Variants in FCHO2 observed in about 807,000 individuals in gnomAD.
The protein encoded by FCHO2 is F-BAR domain only protein 2.
In FCHO2, 43 loss-of-function variants were observed where a neutral mutation model predicts 114.1. The observed-to-expected ratio is 0.38, with a 90% CI of 0.30 to 0.49. FCHO2 has a LOEUF of 0.49. Ranked by LOEUF, FCHO2 falls within the 20% of genes least tolerant of loss-of-function variation. The pLI, the probability that FCHO2 is intolerant of heterozygous loss-of-function variation, is 0.97. For synonymous variants in FCHO2, 293 were observed against 315.2 expected (o/e 0.93, Z 0.75); for missense variants, 807 against 950.4 (o/e 0.85, Z 1.98).
At chr5:73,079,818 A>G (rs1487381030) in intron 22 of FCHO2, among the ~76,000 whole-genome samples, 1 of 152,168 alleles carries the variant, frequency 6.6e-6, no homozygotes, top group Non-Finnish European at 1.5e-5. Flanking sequence ...ATGTTTCTTG[A>G]GTATGCACAG....
chr5:73,037,647 C>T (rs1388766981), intron 10 of FCHO2: 1 of 278,028 alleles, frequency 3.6e-6, no homozygotes, highest in Non-Finnish European at 7.1e-6. Flanking sequence ...CCTATACATA[C>T]ATTGATGGAA....
intron 2 of FCHO2, among the ~76,000 whole-genome samples, chr5:72,979,038 G>A (rs2112635480): frequency 6.6e-6 from 1 of 152,220 alleles, no homozygotes; most frequent in East Asian, 1.9e-4. Flanking sequence ...TTTTCGCACT[G>A]ATGTTCATCA....
chr5:73,048,009 A>AT (rs1209571747), intron 11 of FCHO2, among the ~76,000 whole-genome samples: 2 of 151,838 alleles, frequency 1.3e-5, no homozygotes, highest in Non-Finnish European at 2.9e-5. Flanking sequence ...TGATGTTTTA[A>AT]TTTTTTGTAG....
At chr5:73,067,166 A>C (rs1742390304) in intron 18 of FCHO2, among the ~76,000 whole-genome samples, 1 of 152,048 alleles carries the variant, frequency 6.6e-6, no homozygotes, top group Non-Finnish European at 1.5e-5. Flanking sequence ...TAGATAGCAT[A>C]ATTCTAAAAT....
chr5:73,000,734 C>T (rs1273746366), intron 5 of FCHO2, among the ~76,000 whole-genome samples: 3 of 151,944 alleles, frequency 2.0e-5, no homozygotes, highest in African/African-American at 7.3e-5. Flanking sequence ...GAGATTGTGG[C>T]ATTGCACTCC....
chr5:73,036,002 C>G (rs1756485115), intron 9 of FCHO2, among the ~76,000 whole-genome samples: 1 of 151,542 alleles, frequency 6.6e-6, no homozygotes, highest in Admixed American at 6.6e-5. Context: ...GCCACTACGC[C>G]CGGCTAATTT....
chr5:73,012,976 G>A (rs923104888), intron 6 of FCHO2, among the ~76,000 whole-genome samples: 4 of 152,154 alleles, frequency 2.6e-5, no homozygotes, highest in South Asian at 4.2e-4. Context: ...CAGTTTCCTC[G>A]GAATTAAGGG....
rs1757127473 is a variant in FCHO2 at position 73,047,789 on chromosome 5, G to C, written c.940-3560G>C. Among the ~76,000 whole-genome samples, 5 of 151,828 alleles carry C rather than the reference G, an allele frequency of 3.3e-5. No homozygotes were observed. The South Asian group carries it at 1.0e-3, about 32-fold the overall frequency. Reference sequence around the variant, plus strand: ...ATGTAAATGGATATTGTAAATAGTTGTTTTACTGTGTTTTTTAAAGATTCA... The same window carrying C: ...ATGTAAATGGATATTGTAAATAGTTCTTTTACTGTGTTTTTTAAAGATTCA... On this transcript the variant is annotated intron_variant, in intron 11 of 25. Coordinates refer to ENST00000430046, the MANE Select transcript of FCHO2 (RefSeq NM_138782.3).
intron 9 of FCHO2, among the ~76,000 whole-genome samples, chr5:73,036,481 C>G (rs999851058): frequency 6.6e-6 from 1 of 151,980 alleles, no homozygotes; most frequent in African/African-American, 2.4e-5. Flanking sequence ...TCAAGCAATC[C>G]TCTCACCCCA....
At chr5:72,976,606 G>A (rs1214512684) in intron 2 of FCHO2, among the ~76,000 whole-genome samples, 1 of 151,958 alleles carries the variant, frequency 6.6e-6, no homozygotes, top group Non-Finnish European at 1.5e-5. Context: ...ATGGTTGTTT[G>A]TGTTCTTACT....
intron 18 of FCHO2, among the ~76,000 whole-genome samples, chr5:73,067,653 G>A (rs1404310018): frequency 6.6e-6 from 1 of 151,910 alleles, no homozygotes; most frequent in Admixed American, 6.6e-5. Flanking sequence ...AATAACTGAG[G>A]ACAGTTATCT....
chr5:72,967,200 C>A (rs1174815347), intron 1 of FCHO2, among the ~76,000 whole-genome samples: 1 of 152,198 alleles, frequency 6.6e-6, no homozygotes, highest in Non-Finnish European at 1.5e-5. Flanking sequence ...GCACAAGAAT[C>A]GCTTGAACCC....
At chr5:73,063,756 A>G in intron 17 of FCHO2, 85 bp from the exon 18 acceptor site, 1 of 1,259,528 alleles carries the variant, frequency 7.9e-7, no homozygotes, top group Non-Finnish European at 1.1e-6. Context: ...TGATTACCAA[A>G]AGTTTCTTTA....
chr5:72,956,274 G>C, intron 1 of FCHO2, 145 bp downstream of exon 1: 6 of 1,141,972 alleles, frequency 5.3e-6, no homozygotes, highest in Non-Finnish European at 6.0e-6. Context: ...GGTGAGGTCC[G>C]GCGGGCGACC....
chr5:73,012,185 C>T (rs559877321), intron 6 of FCHO2, among the ~76,000 whole-genome samples: 4 of 152,206 alleles, frequency 2.6e-5, no homozygotes, highest in Admixed American at 1.3e-4. Context: ...GTGAGTAATG[C>T]GTTGCACTAC....
At chr5:73,042,656 A>G (rs1756860006) in intron 11 of FCHO2, among the ~76,000 whole-genome samples, 1 of 152,178 alleles carries the variant, frequency 6.6e-6, no homozygotes, top group African/African-American at 2.4e-5. Context: ...TTATAAAAGG[A>G]TTTGAATTAT....
At chr5:72,990,454 T>C in intron 3 of FCHO2, 24 bp from the exon 4 acceptor site, 1 of 1,474,704 alleles carries the variant, frequency 6.8e-7, no homozygotes, top group Non-Finnish European at 9.0e-7. Context: ...TAATAAGTTA[T>C]TCCCATATTT....
At position 73,058,213 on chromosome 5, in the gene FCHO2, T is replaced by C. The variant is rs575321822; in HGVS notation, c.1254-220T>C. On this transcript the variant is annotated intron_variant, in intron 16 of 25. Transcript: ENST00000430046. The stretch of plus-strand genomic sequence containing the variant: ...TTTGTGTATATTGGGTCTTGCTATG[T>C]TGCCTAGGCTTGATCTTGAACTCCT... 2.5e-4 allele frequency among the ~76,000 whole-genome samples: 38 copies of C among 152,134 alleles called. No homozygotes were observed. The South Asian group carries it at 3.7e-3, about 15-fold the overall frequency.
intron 2 of FCHO2, among the ~76,000 whole-genome samples, chr5:72,975,488 G>A (rs566994344): frequency 3.3e-5 from 5 of 151,846 alleles, no homozygotes; most frequent in South Asian, 2.1e-4. Flanking sequence ...CATCATGTTC[G>A]GCTGATTTTT....
Sources: allele counts gnomAD v4.1 joint callset (sites outside exome capture counted in the v4.1 genomes callset), GRCh38; gene constraint gnomAD v4.1.1; transcripts MANE v1.5; gene names NCBI Gene and HGNC (gene_info 2026-07-23, HGNC 2026-07-21).